Variants in IFNAR1 observed in about 807,000 individuals in gnomAD.
IFNAR1 encodes interferon alpha and beta receptor subunit 1.
In IFNAR1, 47 loss-of-function variants were observed where a neutral mutation model predicts 62.1. The ratio of observed to expected loss-of-function variants is 0.76; its 90% CI spans 0.60 to 0.97. The LOEUF (loss-of-function observed/expected upper bound fraction) is 0.97, where lower values mean the gene tolerates loss of function less well. IFNAR1 is among the 50% of genes least tolerant of loss of function. The probability of loss-of-function intolerance (pLI) is 0.00; values close to 1 mark genes in which losing one functional copy is unlikely to be tolerated. For missense variants in IFNAR1, 638 were observed against 654.5 expected (o/e 0.97, Z 0.27); for synonymous variants, 219 against 226.9 (o/e 0.97, Z 0.31).
At chr21:33,344,262 G>A (rs1662485948) in intron 5 of IFNAR1, among the ~76,000 whole-genome samples, 1 of 152,188 alleles carries the variant, frequency 6.6e-6, no homozygotes, top group Admixed American at 6.5e-5. Context: ...CTGCAAGTGG[G>A]AAGAAAAGGT....
chr21:33,324,992 T>C lies in IFNAR1; in HGVS notation c.-64T>C, dbSNP rs745718290. ...GGCGGTGTGACTTAGGACGGGGCGA[T>C]GGCGGCTGAGAGGAGCTGCGCGTGC... On this transcript the variant is annotated 5_prime_UTR_variant, in exon 1 of 11. It removes an upstream start codon present in the reference 5' UTR. Transcript: ENST00000270139. The C allele has an allele frequency of 4.1e-6, 6 of 1,454,400 alleles. No homozygotes were observed. The highest frequency in any genetic ancestry group is 5.7e-6 in the Non-Finnish European group (6 of 1,060,392). The allele number at this position is 1,454,400 out of a possible 1,614,324, so 90.1% of individuals were successfully genotyped here.
intron 10 of IFNAR1, among the ~76,000 whole-genome samples, 173 bp downstream of exon 10, chr21:33,353,956 A>G (rs913175490): frequency 3.9e-5 from 6 of 152,244 alleles, no homozygotes; most frequent in Non-Finnish European, 7.3e-5. Context: ...ATTTCATGTA[A>G]TAACATAGCA....
rs767512505 is a variant in IFNAR1 at position 33,325,119 on chromosome 21, TCCGCAG to T, written c.71_76del (p.Ala24_Ala25del). The T allele has an allele frequency of 8.6e-5, 138 of 1,611,284 alleles. No homozygotes were observed. The highest frequency in any genetic ancestry group is 1.9e-4 in the Middle Eastern group (1 of 5,378). On this transcript the variant is annotated inframe_deletion, in exon 1 of 11. Transcript: ENST00000270139. ...CGTCGCCGTGGCGCCATGGGTGTTG[TCCGCAG>T]CCGCAGGTGAGAGGCGGGGAGGAGA...
rs965885404 is a variant in IFNAR1 at position 33,343,266 on chromosome 21, A to G, written c.377-2A>G. ...ATAGTAATTGTTTTGATTTTTTTGC[A>G]GCTCAGATTGGTCCTCCAGAAGTAC... On this transcript the variant is annotated splice_acceptor_variant, in intron 3 of 10. Transcript: ENST00000270139. LOFTEE classifies it high-confidence loss of function. 2.5e-6 allele frequency: 4 copies of G among 1,605,074 alleles called. No individual in the cohort carries two copies. The highest frequency in any genetic ancestry group is 3.4e-6 in the Non-Finnish European group (4 of 1,177,260).
intron 10 of IFNAR1, among the ~76,000 whole-genome samples, chr21:33,354,582 T>C (rs2083430683): frequency 6.6e-6 from 1 of 152,252 alleles, no homozygotes; most frequent in Non-Finnish European, 1.5e-5. Context: ...TCACAGTTTT[T>C]TGTTTGGCAC....
Position 33,343,593 on chromosome 21 carries a change from CT to C in IFNAR1, c.592del (p.Tyr198IlefsTer3). ...ATTTATAAACTCTCACCAGAGACTA[CT>C]TATTGTCTAAAAGTTAAAGCAGCAC... ...HKIYKLSPET[T>X]YCLKVKAALL... On this transcript the variant is annotated frameshift_variant, in exon 5 of 11. Coordinates refer to ENST00000270139, the MANE Select transcript of IFNAR1 (RefSeq NM_000629.3). LOFTEE classifies it high-confidence loss of function. 6.4e-7 allele frequency: 1 copy of C among 1,571,166 alleles called. No homozygotes were observed. Among genetic ancestry groups the C allele is most frequent in the Non-Finnish European group, 8.8e-7 (1 of 1,141,154 alleles).
At chr21:33,350,696 A>C (rs1270431490) in intron 8 of IFNAR1, among the ~76,000 whole-genome samples, 1 of 152,052 alleles carries the variant, frequency 6.6e-6, no homozygotes, top group African/African-American at 2.4e-5. Flanking sequence ...CTTTAACTTC[A>C]CCTCATTTTC....
chr21:33,334,704 T>A, intron 1 of IFNAR1: 1 of 855,806 alleles, frequency 1.2e-6, no homozygotes, highest in South Asian at 1.3e-5. Context: ...AGCTGCCACC[T>A]TCCCTGACCC....
At chr21:33,336,230 A>G (rs2083233308) in intron 2 of IFNAR1, among the ~76,000 whole-genome samples, 1 of 129,144 alleles carries the variant, frequency 7.7e-6, no homozygotes, top group Non-Finnish European at 1.6e-5. Context: ...AATTTCATCC[A>G]TGTCCCTACA....
At chr21:33,337,317 T>A (rs1417216613) in intron 2 of IFNAR1, among the ~76,000 whole-genome samples, 1 of 152,170 alleles carries the variant, frequency 6.6e-6, no homozygotes, top group Non-Finnish European at 1.5e-5. Context: ...GTCTCTTCCT[T>A]AGTACTTTCT....
Position 33,349,224 on chromosome 21 carries a change from C to T in IFNAR1, c.922C>T (p.Gln308Ter), listed in dbSNP as rs2123261739. Residue 308 changes from glutamine (Q) to a stop codon, truncating the protein, a stop_gained, in exon 7 of 11, where the codon CAA becomes TAA. Coordinates refer to ENST00000270139, the MANE Select transcript of IFNAR1 (RefSeq NM_000629.3). LOFTEE classifies it high-confidence loss of function. ...AAAAGGAATTTACCTTCTCCGCGTACAAGCATCTGATGGAAATAACACATC... is the reference window on the plus strand; with the variant it reads ...AAAAGGAATTTACCTTCTCCGCGTATAAGCATCTGATGGAAATAACACATC... The part of the protein sequence containing the change: ...FQKGIYLLRV[Q>*]ASDGNNTSFW... 6.2e-7 allele frequency: 1 copy of T among 1,613,506 alleles called. No homozygotes were observed. Among genetic ancestry groups the T allele is most frequent in the Non-Finnish European group, 8.5e-7 (1 of 1,179,594 alleles).
chr21:33,330,827 G>A (rs2083170697), intron 1 of IFNAR1, among the ~76,000 whole-genome samples: 1 of 152,180 alleles, frequency 6.6e-6, no homozygotes, highest in African/African-American at 2.4e-5. Context: ...TAAACAAGAA[G>A]ATCCCAGCTA....
upstream of IFNAR1, chr21:33,324,855 G>A (rs2083107546): frequency 1.2e-5 from 7 of 584,796 alleles, no homozygotes; most frequent in South Asian, 1.2e-4. Flanking sequence ...AGGAGGAAAG[G>A]CGCGTGCGTG....
rs1489194602 is a variant in IFNAR1 at position 33,358,732 on chromosome 21, C to G, written c.*3183C>G. On this transcript the variant is annotated 3_prime_UTR_variant, in exon 11 of 11. Coordinates refer to ENST00000270139, the MANE Select transcript of IFNAR1 (RefSeq NM_000629.3). ...TATAAGTTAGGGCTAGGCACAGTGG[C>G]TCATGCCTATAATCTCAGCACTTTT... 6.6e-6 allele frequency: 1 copy of G among 152,046 alleles called. No homozygotes were observed. Among genetic ancestry groups the G allele is most frequent in the Non-Finnish European group, 1.5e-5 (1 of 68,034 alleles). 9.4% of individuals were successfully genotyped at this position (152,046 alleles called of 1,614,324 possible).
At chr21:33,349,862 G>A (rs1230879461) in intron 8 of IFNAR1, among the ~76,000 whole-genome samples, 1 of 151,808 alleles carries the variant, frequency 6.6e-6, no homozygotes, top group Non-Finnish European at 1.5e-5. Flanking sequence ...AGGCTGCAGT[G>A]AGCCATGATC....
intron 1 of IFNAR1, among the ~76,000 whole-genome samples, chr21:33,328,164 G>A (rs138248902): frequency 2.0e-5 from 3 of 152,298 alleles, no homozygotes; most frequent in Non-Finnish European, 4.4e-5. Context: ...TATTGTTAGT[G>A]TATTTTGTGT....
rs17875885 is a variant in IFNAR1 at position 33,352,784 on chromosome 21, T to C, written c.1170T>C (p.Asp390=). Residue 390 remains aspartate (D), a synonymous_variant, in exon 9 of 11, where the codon GAT becomes GAC. Coordinates refer to ENST00000270139, the MANE Select transcript of IFNAR1 (RefSeq NM_000629.3). ...GAAAAATTATCGAGAAAAAAACTGA[T>C]GTTACAGTTCCTAATTTGAAACCAC... is the stretch of plus-strand genomic sequence containing the variant. The part of the protein sequence containing the change: ...AERKIIEKKT[D]VTVPNLKPLT... 1,773 of 1,538,166 alleles carry C rather than the reference T, an allele frequency of 1.2e-3. 5 individuals carry two copies. The highest frequency in any genetic ancestry group is 1.4e-3 in the Admixed American group (78 of 54,810).
At chr21:33,336,602 T>C (rs1324023095) in intron 2 of IFNAR1, among the ~76,000 whole-genome samples, 1 of 152,100 alleles carries the variant, frequency 6.6e-6, no homozygotes, top group Non-Finnish European at 1.5e-5. Context: ...TCAATATAAG[T>C]TGGGGTCTGA....
At position 33,355,473 on chromosome 21, in the gene IFNAR1, A is replaced by G; in HGVS notation, c.1598A>G (p.Gln533Arg). Residue 533 changes from glutamine (Q) to arginine (R), a missense_variant, in exon 11 of 11, where the codon CAA (glutamine) becomes CGA (arginine). Coordinates refer to ENST00000270139, the MANE Select transcript of IFNAR1 (RefSeq NM_000629.3). The part of the protein sequence containing the change: ...DHKKYSSQTS[Q>R]DSGNYSNEDE... ...AAAAAATACAGTTCCCAAACTAGCC[A>G]AGATTCAGGAAATTATTCTAATGAA... 6.2e-7 allele frequency: 1 copy of G among 1,608,182 alleles called. No homozygotes were observed. The highest frequency in any genetic ancestry group is 8.5e-7 in the Non-Finnish European group (1 of 1,177,770).
Sources: allele counts gnomAD v4.1 joint callset (sites outside exome capture counted in the v4.1 genomes callset), GRCh38; gene constraint gnomAD v4.1.1; transcripts MANE v1.5; gene names NCBI Gene and HGNC (gene_info 2026-07-23, HGNC 2026-07-21).